TMPRSS2: variants seen among roughly 807,000 people sequenced by gnomAD.
The protein encoded by TMPRSS2 is transmembrane serine protease 2, also known as transmembrane protease serine 2.
A neutral mutation model predicts 67.4 loss-of-function variants in TMPRSS2; 59 were observed. The observed-to-expected ratio is 0.88, with a 90% CI of 0.71 to 1.09. The LOEUF is 1.09. Ranked by LOEUF, TMPRSS2 falls within the 50% of genes least tolerant of loss-of-function variation. The pLI, the probability that TMPRSS2 is intolerant of heterozygous loss-of-function variation, is 0.00. For synonymous variants in TMPRSS2, 257 were observed against 257.0 expected, an observed-to-expected ratio of 1.00 and a Z score of 0.00; for missense variants, 668 against 642.7, an observed-to-expected ratio of 1.04 and a Z score of -0.43.
At chr21:41,480,039 G>A (rs950247615) in intron 6 of TMPRSS2, among the ~76,000 whole-genome samples, 2 of 152,122 alleles carry the variant, frequency 1.3e-5, no homozygotes, top group African/African-American at 4.8e-5. Context: ...CATGGCTCCC[G>A]AATGAAGTGA....
intron 13 of TMPRSS2, 35 bp downstream of exon 13, chr21:41,467,699 G>A (rs183984610): frequency 9.9e-4 from 1,586 of 1,609,008 alleles, no homozygotes; most frequent in Admixed American, 1.2e-3. Context: ...TCGAGGAATC[G>A]GAGAACACAG....
chr21:41,480,989 G>A (rs529424146), intron 5 of TMPRSS2, among the ~76,000 whole-genome samples: 4 of 152,160 alleles, frequency 2.6e-5, no homozygotes, highest in South Asian at 2.1e-4. Flanking sequence ...CGCTCTCCAC[G>A]GCTCCGGAGG....
intron 1 of TMPRSS2, among the ~76,000 whole-genome samples, chr21:41,506,804 CCTTTGTAATTTT>C (rs1371373761): frequency 1.3e-5 from 2 of 152,206 alleles, no homozygotes; most frequent in Non-Finnish European, 2.9e-5. Flanking sequence ...GGCTGCGTAG[CCTTTGTAATTTT>C]CCATGATTCG....
intron 7 of TMPRSS2, among the ~76,000 whole-genome samples, chr21:41,477,626 C>A (rs1174980706): frequency 6.6e-6 from 1 of 152,126 alleles, no homozygotes; most frequent in Admixed American, 6.5e-5. Context: ...CTAAGGCACA[C>A]CCCCCGGGTT....
At chr21:41,475,667 GT>G (rs2091205623) in intron 8 of TMPRSS2, among the ~76,000 whole-genome samples, 1 of 88,062 alleles carries the variant, frequency 1.1e-5, no homozygotes, top group Admixed American at 1.1e-4. Context: ...GGTTGAGGGA[GT>G]GAGGGGGTGA....
chr21:41,476,486 C>A, intron 8 of TMPRSS2, 91 bp downstream of exon 8: 1 of 1,344,568 alleles, frequency 7.4e-7, no homozygotes, highest in South Asian at 1.2e-5. Flanking sequence ...TCTTCCCTCC[C>A]ACGCCCCCAG....
At chr21:41,493,553 A>C (rs2091355234) in intron 3 of TMPRSS2, among the ~76,000 whole-genome samples, 1 of 152,348 alleles carries the variant, frequency 6.6e-6, no homozygotes, top group South Asian at 2.1e-4. Context: ...CAGGATGCAC[A>C]TTTCACAAAA....
intron 12 of TMPRSS2, 142 bp downstream of exon 12, chr21:41,468,254 G>A: frequency 9.6e-7 from 1 of 1,036,668 alleles, no homozygotes. Context: ...CGCACTGTTT[G>A]TGGCCGTCAC....
chr21:41,498,073 C>T (rs992588558), intron 2 of TMPRSS2, 46 bp downstream of exon 2: 7 of 1,408,994 alleles, frequency 5.0e-6, no homozygotes, highest in Non-Finnish European at 7.0e-6. Flanking sequence ...ACAGAAGGGA[C>T]AAGGGAACAA....
At chr21:41,480,433 G>A (rs1442342291) in intron 6 of TMPRSS2, 43 bp downstream of exon 6, 2 of 1,601,270 alleles carry the variant, frequency 1.2e-6, no homozygotes, top group African/African-American at 1.3e-5. Flanking sequence ...TCGTGTTTCT[G>A]CTGTCTGTTA....
At chr21:41,479,455 G>A (rs1434603944) in intron 6 of TMPRSS2, among the ~76,000 whole-genome samples, 173 bp from the exon 7 acceptor site, 1 of 152,100 alleles carries the variant, frequency 6.6e-6, no homozygotes, top group African/African-American at 2.4e-5. Flanking sequence ...ACGATTTTTC[G>A]ATTCAATAAC....
chr21:41,476,757 C>T (rs9985159), intron 7 of TMPRSS2, 137 bp from the exon 8 acceptor site: 197,736 of 770,778 alleles, frequency 0.26, 28,706 homozygotes, highest in African/African-American at 0.46. Context: ...AGTTACAACT[C>T]CAATAAGGTA....
At chr21:41,480,227 C>T (rs2091246212) in intron 6 of TMPRSS2, among the ~76,000 whole-genome samples, 1 of 152,222 alleles carries the variant, frequency 6.6e-6, no homozygotes, top group Non-Finnish European at 1.5e-5. Context: ...ACTGGGCACT[C>T]CCGAGCAACC....
rs768903594 is a variant in TMPRSS2 at position 41,471,933 on chromosome 21, T to C, written c.948A>G (p.Arg316=). The part of the protein sequence containing the change: ...WHWTAFAGIL[R]QSFMFYGAGY... Reference sequence around the variant, plus strand: ...CGGCTCCATAGAACATGAAAGATTGTCTCAAAATCCCCGCAAATGCCGTCC... The same window carrying C: ...CGGCTCCATAGAACATGAAAGATTGCCTCAAAATCCCCGCAAATGCCGTCC... Residue 316 remains arginine (R), a synonymous_variant, in exon 10 of 14, where the codon AGA becomes AGG. Transcript: ENST00000332149. 5.8e-5 allele frequency: 94 copies of C among 1,613,000 alleles called. 1 individual carries two copies. The Admixed American group carries it at 1.2e-3, about 21-fold the overall frequency.
intron 1 of TMPRSS2, among the ~76,000 whole-genome samples, chr21:41,504,441 C>T (rs1469810215): frequency 6.6e-6 from 1 of 152,190 alleles, no homozygotes; most frequent in Non-Finnish European, 1.5e-5. Context: ...CAAAAGTAAC[C>T]ACCCACACCC....
intron 2 of TMPRSS2, among the ~76,000 whole-genome samples, chr21:41,497,495 T>C (rs2091392212): frequency 6.6e-6 from 1 of 152,212 alleles, no homozygotes; most frequent in Non-Finnish European, 1.5e-5. Flanking sequence ...GCAGTGGACT[T>C]GAAATTAAAC....
Position 41,505,820 on chromosome 21 carries a change from C to T in TMPRSS2, c.-57+2261G>A, listed in dbSNP as rs191526916. ...GGATCAAAAGGAATCCGTACTGTGC[C>T]GATTGTCACTAAAGCCCCTTCTAAG... On this transcript the variant is annotated intron_variant, in intron 1 of 13. Transcript: ENST00000332149. 5.3e-3 allele frequency among the ~76,000 whole-genome samples: 812 copies of T among 152,244 alleles called. 10 individuals are homozygous for T. Among genetic ancestry groups the T allele is most frequent in the Middle Eastern group, 6.8e-3 (2 of 294 alleles).
Position 41,470,521 on chromosome 21 carries a change from G to A in TMPRSS2, c.1171+127C>T, listed in dbSNP as rs1421734058. 7.3e-6 allele frequency: 6 copies of A among 823,100 alleles called. No individual in the cohort carries two copies. In the South Asian group the frequency reaches 8.6e-5, roughly 12 times the overall value. The allele number at this position is 823,100 out of a possible 1,614,324, so 51.0% of individuals were successfully genotyped here. A position where few individuals can be genotyped will look rare whatever the true frequency, so the allele number is the denominator to read the frequency against. On this transcript the variant is annotated intron_variant, in intron 11 of 13. Coordinates refer to ENST00000332149, the MANE Select transcript of TMPRSS2 (RefSeq NM_005656.4). ...TGGAGAAACTGAGGCACAAGGACTGGGGGAATCAACCAAAGTCATCCAGTC... is the reference window on the plus strand; with the variant it reads ...TGGAGAAACTGAGGCACAAGGACTGAGGGAATCAACCAAAGTCATCCAGTC...
At chr21:41,473,201 G>A in intron 9 of TMPRSS2, 124 bp downstream of exon 9, 1 of 1,141,826 alleles carries the variant, frequency 8.8e-7, no homozygotes, top group Non-Finnish European at 1.2e-6. Context: ...GGAAGCAGGT[G>A]CAATACTCTC....
Sources: allele counts gnomAD v4.1 joint callset (sites outside exome capture counted in the v4.1 genomes callset), GRCh38; gene constraint gnomAD v4.1.1; transcripts MANE v1.5; gene names NCBI Gene and HGNC (gene_info 2026-07-23, HGNC 2026-07-21).